FBXL17: variants seen among roughly 807,000 people sequenced by gnomAD.
FBXL17 encodes the protein F-box and leucine rich repeat protein 17.
A neutral mutation model predicts 66.2 loss-of-function variants in FBXL17; 22 were observed. The ratio of observed to expected loss-of-function variants is 0.33; its 90% confidence interval spans 0.24 to 0.47. The LOEUF (loss-of-function observed/expected upper bound fraction) is 0.47, where lower values mean the gene tolerates loss of function less well. Ranked by LOEUF, FBXL17 falls within the 20% of genes least tolerant of loss-of-function variation. The probability of loss-of-function intolerance (pLI) is 1.00; values close to 1 mark genes in which losing one functional copy is unlikely to be tolerated. For missense variants in FBXL17, 878 were observed against 948.2 expected (o/e 0.93, Z 0.97); for synonymous variants, 474 against 400.5 (o/e 1.18, Z -2.19).
intron 4 of FBXL17, among the ~76,000 whole-genome samples, chr5:108,273,041 G>A (rs1000150562): frequency 3.3e-5 from 5 of 152,046 alleles, no homozygotes; most frequent in Admixed American, 6.5e-5. Context: ...GGTAGGTTCC[G>A]TGATGCCCAC....
intron 6 of FBXL17, among the ~76,000 whole-genome samples, chr5:108,121,052 G>C (rs555799568): frequency 1.3e-5 from 2 of 152,086 alleles, no homozygotes; most frequent in Non-Finnish European, 2.9e-5. Flanking sequence ...CTTTTTGGCC[G>C]AGTGCGGTGG....
intron 6 of FBXL17, among the ~76,000 whole-genome samples, chr5:108,024,962 C>T (rs976620405): frequency 2.6e-5 from 4 of 152,022 alleles, no homozygotes; most frequent in African/African-American, 9.7e-5. Context: ...ATGAATTAAG[C>T]TGTGTAAGCT....
intron 7 of FBXL17, among the ~76,000 whole-genome samples, chr5:107,947,076 C>T (rs879256763): frequency 3.3e-5 from 5 of 152,180 alleles, no homozygotes; most frequent in Non-Finnish European, 5.9e-5. Context: ...TTCTCACCTA[C>T]GTCTCTCAGT....
At position 108,184,550 on chromosome 5, in the gene FBXL17, G is replaced by T. The variant is rs867808980; in HGVS notation, c.1745+1567C>A. Among the ~76,000 whole-genome samples the T allele has an allele frequency of 2.6e-5, 4 of 151,508 alleles. No individual in the cohort carries two copies. The South Asian group carries it at 8.3e-4, about 32-fold the overall frequency. On this transcript the variant is annotated intron_variant, in intron 6 of 8. Coordinates refer to ENST00000542267, the MANE Select transcript of FBXL17 (RefSeq NM_001163315.3). Reference sequence around the variant, plus strand: ...TCTGGATCTCCTGACCTCGTGATCCGCCCGCCTTGGCCTCCCAAAGTGCTG... The same window carrying T: ...TCTGGATCTCCTGACCTCGTGATCCTCCCGCCTTGGCCTCCCAAAGTGCTG...
chr5:108,028,110 G>C (rs1246160923), intron 6 of FBXL17, among the ~76,000 whole-genome samples: 1 of 152,100 alleles, frequency 6.6e-6, no homozygotes, highest in Non-Finnish European at 1.5e-5. Context: ...CCCTAGAAAA[G>C]CAGAAATACT....
intron 6 of FBXL17, among the ~76,000 whole-genome samples, chr5:108,075,041 G>A (rs572820387): frequency 9.2e-5 from 14 of 152,288 alleles, no homozygotes; most frequent in Admixed American, 5.2e-4. Flanking sequence ...CCAGGATTCC[G>A]TGTAAAAGTG....
At chr5:108,270,945 C>T (rs1014575681) in intron 4 of FBXL17, among the ~76,000 whole-genome samples, 3 of 152,026 alleles carry the variant, frequency 2.0e-5, no homozygotes, top group Admixed American at 2.0e-4. Flanking sequence ...GGTAAACATT[C>T]ATCTCTCCCC....
intron 4 of FBXL17, among the ~76,000 whole-genome samples, chr5:108,251,468 G>T (rs1448782716): frequency 6.6e-6 from 1 of 151,998 alleles, no homozygotes; most frequent in Admixed American, 6.6e-5. Context: ...TTAAATGCTT[G>T]TCCTCTTATC....
chr5:108,220,228 T>C (rs1754799987), intron 5 of FBXL17, among the ~76,000 whole-genome samples: 2 of 152,068 alleles, frequency 1.3e-5, no homozygotes, highest in Admixed American at 6.6e-5. Context: ...GGGATTCTTC[T>C]ATGCAGTTCT....
intron 7 of FBXL17, among the ~76,000 whole-genome samples, chr5:108,006,762 T>C (rs981032476): frequency 5.3e-5 from 8 of 152,206 alleles, no homozygotes; most frequent in South Asian, 2.1e-4. Context: ...ATGTGTTAAA[T>C]TGAAACAACC....
chr5:108,166,809 G>T (rs547549011), intron 6 of FBXL17, among the ~76,000 whole-genome samples: 1 of 152,220 alleles, frequency 6.6e-6, no homozygotes, highest in African/African-American at 2.4e-5. Context: ...TCAGTCACTA[G>T]ATCATTTTCT....
intron 4 of FBXL17, among the ~76,000 whole-genome samples, chr5:108,269,631 T>C (rs1379155570): frequency 6.6e-6 from 1 of 151,998 alleles, no homozygotes; most frequent in Non-Finnish European, 1.5e-5. Context: ...AAAATATGGG[T>C]ACTGGATCTC....
intron 6 of FBXL17, among the ~76,000 whole-genome samples, chr5:108,160,119 C>T (rs1394109241): frequency 2.6e-5 from 4 of 152,266 alleles, no homozygotes; most frequent in East Asian, 3.9e-4. Flanking sequence ...TTTGTACTCA[C>T]GTTGGCCAGG....
At chr5:108,073,663 A>T (rs1748426748) in intron 6 of FBXL17, among the ~76,000 whole-genome samples, 1 of 152,208 alleles carries the variant, frequency 6.6e-6, no homozygotes, top group South Asian at 2.1e-4. Flanking sequence ...GTTTCCCTGA[A>T]AATCCAACAT....
At chr5:107,903,244 T>C (rs1031965955) in intron 7 of FBXL17, among the ~76,000 whole-genome samples, 8 of 152,176 alleles carry the variant, frequency 5.3e-5, no homozygotes, top group African/African-American at 1.7e-4. Flanking sequence ...AAATATTAGC[T>C]TTACTTGATA....
At chr5:107,952,874 A>G (rs888698395) in intron 7 of FBXL17, among the ~76,000 whole-genome samples, 1 of 152,184 alleles carries the variant, frequency 6.6e-6, no homozygotes, top group African/African-American at 2.4e-5. Flanking sequence ...TAAATATTCA[A>G]TCCAAATAAC....
At chr5:108,154,054 C>A (rs1462621193) in intron 6 of FBXL17, among the ~76,000 whole-genome samples, 2 of 151,874 alleles carry the variant, frequency 1.3e-5, no homozygotes, top group African/African-American at 4.8e-5. Flanking sequence ...CCAAATGAGC[C>A]CACTCCTCAA....
intron 4 of FBXL17, among the ~76,000 whole-genome samples, chr5:108,264,719 C>T (rs1388133556): frequency 1.3e-5 from 2 of 152,078 alleles, no homozygotes; most frequent in Admixed American, 1.3e-4. Flanking sequence ...ATGAGATCAG[C>T]TCTCTTAAGC....
intron 5 of FBXL17, among the ~76,000 whole-genome samples, chr5:108,208,381 T>C (rs190040738): frequency 1.3e-5 from 2 of 152,342 alleles, no homozygotes; most frequent in East Asian, 3.9e-4. Context: ...GATGAAGTCT[T>C]TGCCCATGCC....
Sources: allele counts gnomAD v4.1 joint callset (sites outside exome capture counted in the v4.1 genomes callset), GRCh38; gene constraint gnomAD v4.1.1; transcripts MANE v1.5; gene names NCBI Gene and HGNC (gene_info 2026-07-23, HGNC 2026-07-21).